PACRG: variants seen among roughly 807,000 people sequenced by gnomAD.
PACRG encodes parkin coregulated gene protein.
Under a neutral mutation model 29.7 loss-of-function variants are expected in PACRG, and 29 were observed. That is an observed-to-expected ratio of 0.98 (90% CI 0.73 to 1.33). The LOEUF (loss-of-function observed/expected upper bound fraction) is 1.33, where lower values mean the gene tolerates loss of function less well. PACRG is among the 40% of genes most tolerant of loss of function. PACRG has a pLI of 0.00. For missense variants in PACRG, 279 were observed against 316.2 expected (o/e 0.88, Z 0.89); for synonymous variants, 116 against 118.7 (o/e 0.98, Z 0.15).
At chr6:163,067,136 T>G (rs483277) in intron 3 of PACRG, among the ~76,000 whole-genome samples, 560 of 151,970 alleles carry the variant, frequency 3.7e-3, no homozygotes, top group South Asian at 0.018. Flanking sequence ...ACAGCCTTCC[T>G]GCTGTAGCAC....
chr6:163,279,786 A>G (rs555924843), intron 4 of PACRG, among the ~76,000 whole-genome samples: 1 of 152,262 alleles, frequency 6.6e-6, no homozygotes, highest in East Asian at 1.9e-4. Context: ...GTTTCAAATT[A>G]TTCACTATCA....
intron 4 of PACRG, among the ~76,000 whole-genome samples, chr6:163,109,289 G>C (rs761343562): frequency 6.6e-6 from 1 of 152,182 alleles, no homozygotes; most frequent in Non-Finnish European, 1.5e-5. Context: ...ATTTGCAACT[G>C]TGTACCCACC....
rs868608794 is a variant in PACRG, at chr6:163,118,046, C to G, written c.613+28638C>G. Among the ~76,000 whole-genome samples, 8 of 152,188 alleles carry G rather than the reference C, an allele frequency of 5.3e-5. 1 individual carries two copies. Among genetic ancestry groups the G allele is most frequent in the Non-Finnish European group, 7.3e-5 (5 of 68,042 alleles). On this transcript the variant is annotated intron_variant, in intron 4 of 4. Coordinates refer to ENST00000366888, the MANE Select transcript of PACRG (RefSeq NM_001080379.2). ...TAGAAAACCTCGAGTCTGCTATTGA[C>G]TCTGTCAGTAATTCATTATGTGGCA...
intron 2 of PACRG, among the ~76,000 whole-genome samples, chr6:162,935,377 T>C (rs959332040): frequency 6.6e-6 from 1 of 151,052 alleles, no homozygotes; most frequent in Non-Finnish European, 1.5e-5. Flanking sequence ...TAGGCTCTCT[T>C]CATTCTGTTT....
chr6:163,100,993 T>G (rs1815052924), intron 4 of PACRG: 1 of 983,860 alleles, frequency 1.0e-6, no homozygotes, highest in Non-Finnish European at 1.2e-6. Context: ...CCCTCGAAGA[T>G]CAATTTACTT....
chr6:162,932,372 CT>C (rs904219042), intron 2 of PACRG, among the ~76,000 whole-genome samples: 10 of 151,910 alleles, frequency 6.6e-5, no homozygotes, highest in African/African-American at 2.2e-4. Flanking sequence ...AAATTGTATA[CT>C]TTAATAGTAC....
intron 2 of PACRG, among the ~76,000 whole-genome samples, chr6:162,881,584 C>T (rs554679709): frequency 7.2e-5 from 11 of 151,986 alleles, no homozygotes; most frequent in East Asian, 3.9e-4. Flanking sequence ...ACTGGAGACC[C>T]GGGGGCACTC....
rs559899703 is a variant in PACRG at position 162,730,818 on chromosome 6, T to C, written c.156+2427T>C. Among the ~76,000 whole-genome samples the C allele has an allele frequency of 2.0e-5, 3 of 152,332 alleles. No homozygotes were observed. The South Asian group carries it at 6.2e-4, about 32-fold the overall frequency. The stretch of plus-strand genomic sequence containing the variant: ...GAAATAATATTCAAATTCACATTTT[T>C]ATAGTGCTTGCCTATAAAGAGATAT... On this transcript the variant is annotated intron_variant, in intron 1 of 4. Coordinates refer to ENST00000366888, the MANE Select transcript of PACRG (RefSeq NM_001080379.2).
intron 4 of PACRG, among the ~76,000 whole-genome samples, chr6:163,197,444 T>C (rs9458739): frequency 0.28 from 32,372 of 116,524 alleles, 2,729 homozygotes; most frequent in East Asian, 0.4. Flanking sequence ...CTTTTTTTTT[T>C]TTTTTTTTTT....
At chr6:163,259,487 T>C (rs1295830151) in intron 4 of PACRG, among the ~76,000 whole-genome samples, 2 of 152,164 alleles carry the variant, frequency 1.3e-5, no homozygotes, top group African/African-American at 4.8e-5. Flanking sequence ...GATTCTAGCA[T>C]CTGGCCCAGA....
Position 163,101,081 on chromosome 6 carries a change from G to A in PACRG, c.613+11673G>A, listed in dbSNP as rs1815059255. On this transcript the variant is annotated intron_variant, in intron 4 of 4. Coordinates refer to ENST00000366888, the MANE Select transcript of PACRG (RefSeq NM_001080379.2). Reference sequence around the variant, plus strand: ...ATTCATTTTGAGGCGGTCATACAATGAAATTAAAAATCATTCTCCATTCAG... The same window carrying A: ...ATTCATTTTGAGGCGGTCATACAATAAAATTAAAAATCATTCTCCATTCAG... 4.1e-6 allele frequency: 4 copies of A among 981,312 alleles called. No individual in the cohort carries two copies. In the South Asian group the frequency reaches 1.4e-4, roughly 35 times the overall value. The allele number at this position is 981,312 out of a possible 1,614,324, so 60.8% of individuals were successfully genotyped here. A position where few individuals can be genotyped will look rare whatever the true frequency, so the allele number is the denominator to read the frequency against.
At chr6:162,894,754 G>A (rs535053052) in intron 2 of PACRG, among the ~76,000 whole-genome samples, 3 of 152,292 alleles carry the variant, frequency 2.0e-5, no homozygotes, top group South Asian at 4.1e-4. Flanking sequence ...TGTGAAACAC[G>A]CTTGTGGAAG....
chr6:163,211,830 C>T (rs553783296), intron 4 of PACRG, among the ~76,000 whole-genome samples: 26 of 152,254 alleles, frequency 1.7e-4, no homozygotes, highest in African/African-American at 6.3e-4. Flanking sequence ...TAGCATAATG[C>T]AGTGCTCATT....
intron 4 of PACRG, among the ~76,000 whole-genome samples, chr6:163,201,520 T>C (rs1188155873): frequency 1.3e-5 from 2 of 152,302 alleles, no homozygotes; most frequent in African/African-American, 4.8e-5. Flanking sequence ...CCTTTGGGCA[T>C]GAGGTGGGGC....
At chr6:162,973,749 G>A (rs576841672) in intron 2 of PACRG, among the ~76,000 whole-genome samples, 2 of 150,128 alleles carry the variant, frequency 1.3e-5, no homozygotes, top group East Asian at 3.9e-4. Context: ...AAAACCTTAA[G>A]AGTAGTGTGT....
At chr6:162,790,082 T>C (rs1784817537) in intron 1 of PACRG, among the ~76,000 whole-genome samples, 1 of 152,202 alleles carries the variant, frequency 6.6e-6, no homozygotes, top group Admixed American at 6.5e-5. Context: ...CATGACTTTC[T>C]AAAAGTAGCA....
chr6:162,773,663 C>T (rs1406686985), intron 1 of PACRG, among the ~76,000 whole-genome samples: 3 of 151,422 alleles, frequency 2.0e-5, no homozygotes, highest in African/African-American at 4.8e-5. Flanking sequence ...TACAGGCGCC[C>T]GCCACCGCGC....
At chr6:162,900,422 G>A (rs1455198814) in intron 2 of PACRG, among the ~76,000 whole-genome samples, 2 of 152,066 alleles carry the variant, frequency 1.3e-5, no homozygotes, top group Admixed American at 6.5e-5. Flanking sequence ...CTCAACTCCC[G>A]TCTTCAATGA....
chr6:163,001,078 G>T (rs1804548313), intron 2 of PACRG, among the ~76,000 whole-genome samples: 1 of 152,206 alleles, frequency 6.6e-6, no homozygotes, highest in Admixed American at 6.5e-5. Context: ...TTGGGGATGG[G>T]TTACAGGTGT....
Sources: gnomAD v4.1 joint callset for allele counts (sites outside exome capture counted in the v4.1 genomes callset) on GRCh38, gnomAD v4.1.1 for gene constraint, MANE v1.5 for transcripts, NCBI Gene and HGNC (gene_info 2026-07-23, HGNC 2026-07-21) for gene names.